HERC1: variants seen among roughly 807,000 people sequenced by gnomAD.
The protein encoded by HERC1 is HECT and RLD domain containing E3 ubiquitin protein ligase family member 1.
HERC1 carries 160 observed loss-of-function variants against 554.3 expected under a neutral mutation model. That is an observed-to-expected ratio of 0.29 (90% CI 0.25 to 0.33). HERC1 has a LOEUF of 0.33. Ranked by LOEUF, HERC1 falls within the 10% of genes least tolerant of loss-of-function variation. The probability of loss-of-function intolerance (pLI) is 1.00; values close to 1 mark genes in which losing one functional copy is unlikely to be tolerated. For synonymous variants in HERC1, 2,175 were observed against 2,131.7 expected (o/e 1.02, Z -0.56); for missense variants, 4,919 against 5,918.5 (o/e 0.83, Z 5.54).
At chr15:63,699,672 G>C (rs1478421457) in intron 25 of HERC1, among the ~76,000 whole-genome samples, 1 of 152,124 alleles carries the variant, frequency 6.6e-6, no homozygotes, top group African/African-American at 2.4e-5. Flanking sequence ...ACTGTAAAAT[G>C]ATACCTATAT....
At chr15:63,731,411 T>C (rs1297628164) in intron 14 of HERC1, among the ~76,000 whole-genome samples, 1 of 152,216 alleles carries the variant, frequency 6.6e-6, no homozygotes, top group African/African-American at 2.4e-5. Context: ...GTATTTTATT[T>C]CCATTTCCAT....
chr15:63,756,784 G>C lies in HERC1; in HGVS notation c.1222-36C>G. The stretch of plus-strand genomic sequence containing the variant: ...AGAATCATAAATATAAAATACTTCT[G>C]TGAGTATCAAAGTATAATATTTAAG... On this transcript the variant is annotated intron_variant, in intron 4 of 77. Coordinates refer to ENST00000443617, the MANE Select transcript of HERC1 (RefSeq NM_003922.4). The surrounding 1 kb of genome is among the most constrained non-coding windows in gnomAD (Gnocchi z 5.0). 7.5e-7 allele frequency: 1 copy of C among 1,336,780 alleles called. No individual in the cohort carries two copies. Among genetic ancestry groups the C allele is most frequent in the Non-Finnish European group, 1.0e-6 (1 of 985,816 alleles). 82.8% of individuals were successfully genotyped at this position (1,336,780 alleles called of 1,614,324 possible). A position where few individuals can be genotyped will look rare whatever the true frequency, so the allele number is the denominator to read the frequency against.
Position 63,732,960 on chromosome 15 carries a change from C to T in HERC1, c.2832G>A (p.Leu944=), listed in dbSNP as rs1358074690. ...CHPDTHLAEI[L]MKTLLRNLGF... ...CTAAATTTCTTAAGAGGGTCTTCATCAAAATTTCAGCCAGGTGGGTATCTG... is the reference window on the plus strand; with the variant it reads ...CTAAATTTCTTAAGAGGGTCTTCATTAAAATTTCAGCCAGGTGGGTATCTG... Residue 944 remains leucine (L), a synonymous_variant, in exon 14 of 78, where the codon TTG becomes TTA. Transcript: ENST00000443617. The T allele has an allele frequency of 1.9e-6, 3 of 1,613,724 alleles. No homozygotes were observed. The African/African-American group carries it at 4.0e-5, about 22-fold the overall frequency.
intron 70 of HERC1, among the ~76,000 whole-genome samples, chr15:63,627,348 A>C (rs1056724182): frequency 6.6e-6 from 1 of 152,166 alleles, no homozygotes; most frequent in Non-Finnish European, 1.5e-5. Flanking sequence ...CTTAGACACC[A>C]GAAGATGGTA....
chr15:63,609,060 AGGGT>A lies in HERC1; in HGVS notation c.*17_*20del. ...TGAGCATTATTGAGGGAGAGAAGGGAGGGTGAGAGCACCCGCACGGTCAGTAGTC... is the reference window on the plus strand; with the variant it reads ...TGAGCATTATTGAGGGAGAGAAGGGAGAGAGCACCCGCACGGTCAGTAGTC... On this transcript the variant is annotated 3_prime_UTR_variant, in exon 78 of 78. Transcript: ENST00000443617. 6.2e-7 allele frequency: 1 copy of A among 1,601,596 alleles called. No homozygotes were observed. Among genetic ancestry groups the A allele is most frequent in the Non-Finnish European group, 8.5e-7 (1 of 1,171,138 alleles).
Position 63,775,116 on chromosome 15 carries a change from A to G in HERC1, c.508T>C (p.Phe170Leu). The change falls in exon 2 of 78, where the codon TTT becomes CTT. Residue 170 changes from phenylalanine (F) to leucine (L), a missense_variant. Coordinates refer to ENST00000443617, the MANE Select transcript of HERC1 (RefSeq NM_003922.4). This position sits in a 1 kb window ranked among gnomAD's most constrained non-coding sequence, Gnocchi z 4.0. Reference protein sequence around the residue: ...MGVRTGLSLLFALLRQSWMMP... With the variant: ...MGVRTGLSLLLALLRQSWMMP... ...ATCCAACTTTGTCTTAGAAGCGCAA[A>G]TAATAAACTTAGACCAGTTCGAACA... 6.2e-7 allele frequency: 1 copy of G among 1,614,018 alleles called. No individual in the cohort carries two copies. Among genetic ancestry groups the G allele is most frequent in the South Asian group, 1.1e-5 (1 of 91,078 alleles).
chr15:63,682,209 G>T (rs993058506), intron 34 of HERC1, among the ~76,000 whole-genome samples: 1 of 152,156 alleles, frequency 6.6e-6, no homozygotes, highest in Non-Finnish European at 1.5e-5. Flanking sequence ...GTTGTGAGGG[G>T]CAAAAGTTAC....
chr15:63,783,976 G>A (rs2076363442), intron 1 of HERC1, among the ~76,000 whole-genome samples: 1 of 151,406 alleles, frequency 6.6e-6, no homozygotes, highest in South Asian at 2.1e-4. Context: ...TGAGCCAGGA[G>A]AATGGCTTGA....
chr15:63,621,165 AG>A (rs1393948158), intron 74 of HERC1, among the ~76,000 whole-genome samples: 1 of 152,186 alleles, frequency 6.6e-6, no homozygotes, highest in East Asian at 1.9e-4. Context: ...TGCTTCCTTC[AG>A]GAGCTCTTTT....
In HERC1 at chr15:63,756,288, T is replaced by C. The variant is rs1308670238; in HGVS notation, c.1533+149A>G. 8 of 626,538 alleles carry C rather than the reference T, an allele frequency of 1.3e-5. No homozygotes were observed. Among genetic ancestry groups the C allele is most frequent in the Middle Eastern group, 3.9e-4 (1 of 2,594 alleles). The allele number at this position is 626,538 out of a possible 1,614,324, so 38.8% of individuals were successfully genotyped here. A position where few individuals can be genotyped will look rare whatever the true frequency, so the allele number is the denominator to read the frequency against. ...AAATTCAATAATGTATACAAAGGTG[T>C]TCTGTAAACTGTAAAGCAGAGATAC... On this transcript the variant is annotated intron_variant, in intron 5 of 77. Coordinates refer to ENST00000443617, the MANE Select transcript of HERC1 (RefSeq NM_003922.4). The surrounding 1 kb of genome is among the most constrained non-coding windows in gnomAD (Gnocchi z 5.0).
intron 1 of HERC1, among the ~76,000 whole-genome samples, chr15:63,814,715 C>T (rs369505314): frequency 2.4e-4 from 36 of 152,174 alleles, no homozygotes; most frequent in East Asian, 1.4e-3. Context: ...GTTATCTGCC[C>T]GCCTCGGCCT....
intron 23 of HERC1, among the ~76,000 whole-genome samples, 159 bp downstream of exon 23, chr15:63,713,194 T>A (rs2073391138): frequency 6.6e-6 from 1 of 152,286 alleles, no homozygotes; most frequent in Non-Finnish European, 1.5e-5. Context: ...TCAGTATCAG[T>A]ATTTACTTTA....
intron 19 of HERC1, among the ~76,000 whole-genome samples, chr15:63,719,401 T>C (rs774999612): frequency 2.6e-5 from 4 of 152,194 alleles, no homozygotes; most frequent in Admixed American, 6.5e-5. Context: ...AAACCGTGCA[T>C]GCACAGAATG....
In HERC1 at chr15:63,612,460, G is replaced by A. The variant is rs765597904; in HGVS notation, c.14191C>T (p.Pro4731Ser). Residue 4731 changes from proline (P) to serine (S), a missense_variant, in exon 77 of 78, where the codon CCC becomes TCC. Pro to Ser is a moderately conservative substitution (Grantham distance 74). Transcript: ENST00000443617. This position sits in a 1 kb window ranked among gnomAD's most constrained non-coding sequence, Gnocchi z 5.0. ...KQLEQMVCGM[P>S]EISVEVLKKV... The stretch of plus-strand genomic sequence containing the variant: ...TTCAAGACTTCCACAGAGATCTCGG[G>A]CATCCCACACACCATCTGCTCCAGT... 1 of 1,613,988 alleles carries A rather than the reference G, an allele frequency of 6.2e-7. No individual in the cohort carries two copies. Among genetic ancestry groups the A allele is most frequent in the South Asian group, 1.1e-5 (1 of 91,086 alleles).
chr15:63,746,023 T>A lies in HERC1; in HGVS notation c.2520+895A>T, dbSNP rs192995370. ...CCTCAATTGTTTTTCTGTTCTTTAT[T>A]TTTTTAATTTCACTCTAATCTACAT... On this transcript the variant is annotated intron_variant, in intron 12 of 77. Transcript: ENST00000443617. Among the ~76,000 whole-genome samples the A allele has an allele frequency of 7.2e-4, 109 of 152,248 alleles. No individual in the cohort carries two copies. In the South Asian group the frequency reaches 9.3e-3, roughly 13 times the overall value.
intron 38 of HERC1, among the ~76,000 whole-genome samples, chr15:63,673,665 GAAAGT>G (rs1025350712): frequency 6.6e-6 from 1 of 152,158 alleles, no homozygotes; most frequent in African/African-American, 2.4e-5. Context: ...TGCAGCCTAT[GAAAGT>G]AGAGACTTTA....
At chr15:63,709,860 T>G (rs959895066) in intron 24 of HERC1, among the ~76,000 whole-genome samples, 1 of 152,206 alleles carries the variant, frequency 6.6e-6, no homozygotes, top group Non-Finnish European at 1.5e-5. Context: ...CGGTAAATTA[T>G]CAGACATCCT....
In HERC1 at chr15:63,692,056, C is replaced by T. The variant is rs573838288; in HGVS notation, c.5830+355G>A. Among the ~76,000 whole-genome samples the T allele has an allele frequency of 1.3e-5, 2 of 152,272 alleles. No homozygotes were observed. Among genetic ancestry groups the T allele is most frequent in the Admixed American group, 1.3e-4 (2 of 15,300 alleles). Reference sequence around the variant, plus strand: ...AGAAATCACATTATGATAAGAGAGACTGTACAAATTCAGATCTGCATCCTG... The same window carrying T: ...AGAAATCACATTATGATAAGAGAGATTGTACAAATTCAGATCTGCATCCTG... On this transcript the variant is annotated intron_variant, in intron 31 of 77. Transcript: ENST00000443617. This position sits in a 1 kb window ranked among gnomAD's most constrained non-coding sequence, Gnocchi z 4.7.
intron 24 of HERC1, among the ~76,000 whole-genome samples, chr15:63,707,737 G>A (rs913355582): frequency 1.3e-5 from 2 of 151,596 alleles, no homozygotes; most frequent in African/African-American, 2.4e-5. Flanking sequence ...GAGACCAGCC[G>A]GGCCAACAAG....
Sources: allele counts gnomAD v4.1 joint callset (sites outside exome capture counted in the v4.1 genomes callset), GRCh38; gene constraint gnomAD v4.1.1; non-coding constraint Gnocchi (gnomAD v3.1); transcripts MANE v1.5; gene names NCBI Gene and HGNC (gene_info 2026-07-23, HGNC 2026-07-21).